Variants in SAMD13 observed in about 807,000 individuals in gnomAD.
SAMD13 encodes the protein sterile alpha motif domain-containing protein 13.
In SAMD13, 9 loss-of-function variants were observed where a neutral mutation model predicts 12.4. The observed-to-expected ratio is 0.72, with a 90% confidence interval of 0.44 to 1.26. The LOEUF is 1.26. SAMD13 is among the 50% of genes most tolerant of loss of function. The pLI, the probability that SAMD13 is intolerant of heterozygous loss-of-function variation, is 0.00. For missense variants in SAMD13, 84 were observed against 119.6 expected (o/e 0.70, Z 1.39); for synonymous variants, 46 against 45.4 (o/e 1.01, Z -0.05).
chr1:84,302,399 A>ATATTAATTGTGGAAGGCTT (rs1558434129), intron 1 of SAMD13, among the ~76,000 whole-genome samples: 3 of 140,948 alleles, frequency 2.1e-5, no homozygotes, highest in Admixed American at 7.3e-5. Flanking sequence ...TGCTAATTGC[A>ATATTAATTGTGGAAGGCTT]TATTAATTGT....
chr1:84,311,332 T>TAAAAA (rs757714939), intron 2 of SAMD13, among the ~76,000 whole-genome samples: 29 of 111,638 alleles, frequency 2.6e-4, no homozygotes, highest in East Asian at 5.9e-4. Context: ...TGAGACTGTC[T>TAAAAA]AAAAAAAAAA....
At chr1:84,306,997 G>A (rs1049922994) in intron 2 of SAMD13, among the ~76,000 whole-genome samples, 21 of 151,806 alleles carry the variant, frequency 1.4e-4, no homozygotes, top group Non-Finnish European at 3.1e-4. Context: ...GGTGTCTTAA[G>A]CAATTTGGTT....
At chr1:84,317,092 A>G (rs1445991245) in intron 2 of SAMD13, among the ~76,000 whole-genome samples, 4 of 152,014 alleles carry the variant, frequency 2.6e-5, no homozygotes, top group African/African-American at 9.7e-5. Flanking sequence ...TCATTCTCAC[A>G]GGTTTTTTTG....
chr1:84,349,049 A>G (rs571998523), intron 3 of SAMD13, among the ~76,000 whole-genome samples: 1 of 152,208 alleles, frequency 6.6e-6, no homozygotes, highest in Non-Finnish European at 1.5e-5. Flanking sequence ...CATCTAAAAA[A>G]CATATATTTA....
chr1:84,336,243 CT>C (rs1281827568), intron 3 of SAMD13, among the ~76,000 whole-genome samples: 1 of 152,092 alleles, frequency 6.6e-6, no homozygotes, highest in African/African-American at 2.4e-5. Flanking sequence ...TTTGTTCATT[CT>C]TTTTAAATTT....
At chr1:84,321,825 C>T (rs1021347448) in intron 2 of SAMD13, among the ~76,000 whole-genome samples, 5 of 152,118 alleles carry the variant, frequency 3.3e-5, no homozygotes, top group Admixed American at 6.6e-5. Flanking sequence ...ACTTGGCTTA[C>T]GCTTGTTATG....
At chr1:84,335,183 C>T (rs1226515362) in intron 3 of SAMD13, among the ~76,000 whole-genome samples, 1 of 152,128 alleles carries the variant, frequency 6.6e-6, no homozygotes. Flanking sequence ...ATCTAAGTCA[C>T]TTCTTAGGTC....
At chr1:84,311,331 C>T (rs1570230564) in intron 2 of SAMD13, among the ~76,000 whole-genome samples, 2 of 104,456 alleles carry the variant, frequency 1.9e-5, no homozygotes, top group African/African-American at 4.1e-5. Context: ...GTGAGACTGT[C>T]TAAAAAAAAA....
chr1:84,337,197 T>C (rs1679317257), intron 3 of SAMD13, among the ~76,000 whole-genome samples: 1 of 152,156 alleles, frequency 6.6e-6, no homozygotes, highest in South Asian at 2.1e-4. Flanking sequence ...TGGAGGATGG[T>C]GGCCCTCTTC....
chr1:84,319,070 G>A lies in SAMD13; in HGVS notation c.54-6567G>A, dbSNP rs563535427. ...TATACATTGTCAGCCCTCAAGGACT[G>A]CTGTTTCTTATATAGTTTCTTTCTT... On this transcript the variant is annotated intron_variant, in intron 2 of 3. Transcript: ENST00000394834. 2.0e-5 allele frequency among the ~76,000 whole-genome samples: 3 copies of A among 152,234 alleles called. 1 individual carries two copies. The South Asian group carries it at 6.2e-4, about 32-fold the overall frequency.
upstream of SAMD13, chr1:84,299,671 ATATATT>A (rs201203179): frequency 3.4e-4 from 322 of 951,830 alleles, no homozygotes; most frequent in Middle Eastern, 7.5e-3. Context: ...ATATATATAT[ATATATT>A]TATTTATTTA....
At chr1:84,324,942 G>C (rs1434689199) in intron 2 of SAMD13, among the ~76,000 whole-genome samples, 6 of 152,144 alleles carry the variant, frequency 3.9e-5, no homozygotes, top group Non-Finnish European at 8.8e-5. Flanking sequence ...TTGATACTAG[G>C]AATAATAAAA....
At chr1:84,303,033 C>T in intron 1 of SAMD13, 170 bp from the exon 2 acceptor site, 1 of 537,794 alleles carries the variant, frequency 1.9e-6, no homozygotes, top group Non-Finnish European at 3.3e-6. Flanking sequence ...TCCTCCAGTT[C>T]TTTAGGTTTA....
In SAMD13 at chr1:84,342,315, A is replaced by G. The variant is rs142596275; in HGVS notation, c.166-7316A>G. On this transcript the variant is annotated intron_variant, in intron 3 of 3. Transcript: ENST00000394834. ...AAAGATAAATTTTGAAAAGGCTAACATTGAAAGACCCTTCACAGAATTACA... is the reference window on the plus strand; with the variant it reads ...AAAGATAAATTTTGAAAAGGCTAACGTTGAAAGACCCTTCACAGAATTACA... 3.3e-5 allele frequency among the ~76,000 whole-genome samples: 5 copies of G among 152,314 alleles called. No homozygotes were observed. The East Asian group carries it at 9.6e-4, about 29-fold the overall frequency.
chr1:84,300,792 C>T (rs1330627344), upstream of SAMD13, among the ~76,000 whole-genome samples: 1 of 152,154 alleles, frequency 6.6e-6, no homozygotes, highest in Non-Finnish European at 1.5e-5. Context: ...TCTTGCCCAG[C>T]CTCTCTGCTC....
intron 3 of SAMD13, among the ~76,000 whole-genome samples, chr1:84,339,529 C>A (rs1184805629): frequency 6.6e-6 from 1 of 152,008 alleles, no homozygotes; most frequent in Non-Finnish European, 1.5e-5. Flanking sequence ...GTTCTCTGGC[C>A]CCTTGTGGTT....
chr1:84,346,136 A>G (rs1446937143), intron 3 of SAMD13, among the ~76,000 whole-genome samples: 3 of 152,242 alleles, frequency 2.0e-5, no homozygotes, highest in Non-Finnish European at 4.4e-5. Flanking sequence ...TCACATAGAT[A>G]AGAAAATGAG....
At chr1:84,346,633 T>A (rs181558037) in intron 3 of SAMD13, among the ~76,000 whole-genome samples, 1 of 152,336 alleles carries the variant, frequency 6.6e-6, no homozygotes, top group African/African-American at 2.4e-5. Flanking sequence ...GGAAAGTTAC[T>A]GATAGAGTCT....
At chr1:84,325,932 G>C (rs1218654454) in intron 3 of SAMD13, among the ~76,000 whole-genome samples, 184 bp downstream of exon 3, 3 of 152,134 alleles carry the variant, frequency 2.0e-5, no homozygotes, top group Non-Finnish European at 4.4e-5. Flanking sequence ...TTTGTGCAAG[G>C]GGAAAACTCA....
Sources: allele counts gnomAD v4.1 joint callset (sites outside exome capture counted in the v4.1 genomes callset), GRCh38; gene constraint gnomAD v4.1.1; transcripts MANE v1.5; gene names NCBI Gene and HGNC (gene_info 2026-07-23, HGNC 2026-07-21).